CCDC88A: variants seen among roughly 807,000 people sequenced by gnomAD.
CCDC88A encodes the protein coiled-coil and HOOK domain protein 88A.
Under a neutral mutation model 234.3 loss-of-function variants are expected in CCDC88A, and 54 were observed. The observed-to-expected ratio is 0.23, with a 90% CI of 0.19 to 0.29. The LOEUF is 0.29. CCDC88A is among the 10% of genes least tolerant of loss of function. The probability of loss-of-function intolerance (pLI) is 1.00; values close to 1 mark genes in which losing one functional copy is unlikely to be tolerated. For synonymous variants in CCDC88A, 753 were observed against 737.8 expected (o/e 1.02, Z -0.33); for missense variants, 1,832 against 2,123.4 (o/e 0.86, Z 2.70).
At chr2:55,342,376 AATG>A (rs1668614660) in intron 12 of CCDC88A, among the ~76,000 whole-genome samples, 1 of 152,170 alleles carries the variant, frequency 6.6e-6, no homozygotes, top group African/African-American at 2.4e-5. Context: ...ACATAATAAT[AATG>A]ATATTTAATA....
At position 55,419,526 on chromosome 2, in the gene CCDC88A, A is replaced by AT; in HGVS notation, c.-448_-447insA. On this transcript the variant is annotated 5_prime_UTR_variant, in exon 1 of 33. In the 5' UTR this introduces an upstream ATG that the reference lacks. Transcript: ENST00000436346. ...ACGTTAAGGATACCGAGGCGCCACC[A>AT]GACTCGACCTCGGCGTTCCGACCTC... is the stretch of plus-strand genomic sequence containing the variant. 23 of 126,722 alleles carry AT rather than the reference A, an allele frequency of 1.8e-4. No individual in the cohort carries two copies. The highest frequency in any genetic ancestry group is 7.0e-4 in the South Asian group (3 of 4,272). The allele number at this position is 126,722 out of a possible 1,614,324, so 7.8% of individuals were successfully genotyped here.
chr2:55,388,715 T>C (rs572467778), intron 3 of CCDC88A, 63 bp downstream of exon 3: 7 of 682,956 alleles, frequency 1.0e-5, no homozygotes, highest in East Asian at 2.9e-5. Context: ...AGATGACTGA[T>C]ACTAAATAAT....
intron 3 of CCDC88A, among the ~76,000 whole-genome samples, chr2:55,382,857 T>C (rs7586529): frequency 0.56 from 84,387 of 151,960 alleles, 24,798 homozygotes; most frequent in Admixed American, 0.65. Context: ...TCTTATATTA[T>C]TAATCACAAC....
At chr2:55,367,921 T>C (rs77789116) in intron 5 of CCDC88A, among the ~76,000 whole-genome samples, 2,008 of 152,248 alleles carry the variant, frequency 0.013, 23 homozygotes, top group Non-Finnish European at 0.022. Flanking sequence ...TAAGTAATAT[T>C]TCTGGATACT....
chr2:55,382,926 C>G (rs1483266635), intron 3 of CCDC88A, among the ~76,000 whole-genome samples: 1 of 152,050 alleles, frequency 6.6e-6, no homozygotes, highest in African/African-American at 2.4e-5. Flanking sequence ...TACCATAGTT[C>G]CATGAAAATA....
intron 23 of CCDC88A, 43 bp downstream of exon 23, chr2:55,312,391 C>A: frequency 1.3e-6 from 2 of 1,568,290 alleles, no homozygotes; most frequent in Non-Finnish European, 1.7e-6. Context: ...ATGATAAAAT[C>A]ATGAGTAACA....
At chr2:55,398,548 G>A (rs1007799880) in intron 2 of CCDC88A, among the ~76,000 whole-genome samples, 2 of 152,108 alleles carry the variant, frequency 1.3e-5, no homozygotes, top group African/African-American at 2.4e-5. Flanking sequence ...CGGAAAACAG[G>A]CCTTTTCACC....
rs1374860742 is a variant in CCDC88A, at chr2:55,288,123, G to A, written c.*3077C>T. 1 of 152,510 alleles carries A rather than the reference G, an allele frequency of 6.6e-6. No individual in the cohort carries two copies. The highest frequency in any genetic ancestry group is 1.9e-4 in the East Asian group (1 of 5,196). The allele number at this position is 152,510 out of a possible 1,614,324, so 9.4% of individuals were successfully genotyped here. On this transcript the variant is annotated 3_prime_UTR_variant, in exon 33 of 33. Coordinates refer to ENST00000436346, the MANE Select transcript of CCDC88A (RefSeq NM_001365480.1). ...ATTTGGTATTTAATAACAGTTATAA[G>A]TACAATGGTAGACACTGAAAAAGAA...
At chr2:55,352,386 C>T (rs956696523) in intron 8 of CCDC88A, among the ~76,000 whole-genome samples, 7 of 150,898 alleles carry the variant, frequency 4.6e-5, no homozygotes, top group African/African-American at 1.7e-4. Flanking sequence ...GAGATCACGC[C>T]ATTGCACTCC....
At chr2:55,365,103 GT>G (rs900891468) in intron 5 of CCDC88A, among the ~76,000 whole-genome samples, 10 of 152,082 alleles carry the variant, frequency 6.6e-5, no homozygotes, top group African/African-American at 2.4e-4. Context: ...AATGCAGAAA[GT>G]TCTATATCTT....
chr2:55,339,558 G>T lies in CCDC88A; in HGVS notation c.1424C>A (p.Thr475Asn), dbSNP rs1392949881. The change falls in exon 13 of 33, where the codon ACC becomes AAC. Residue 475 changes from threonine to asparagine, a missense_variant. Around this residue, in one of 6 missense-constraint regions of CCDC88A, gnomAD observed 1,282 missense variants for 1,543.6 expected, o/e 0.83. Transcript: ENST00000436346. Reference sequence around the variant, plus strand: ...CACAGTAGTCCGAAGCTCTTCTACGGTTTTTGTCAAACTTTGATTTTCCAT... The same window carrying T: ...CACAGTAGTCCGAAGCTCTTCTACGTTTTTTGTCAAACTTTGATTTTCCAT... ...LEMENQSLTK[T>N]VEELRTTVDS... 2 of 1,613,704 alleles carry T rather than the reference G, an allele frequency of 1.2e-6. No homozygotes were observed.
At chr2:55,384,343 G>T (rs1334136499) in intron 3 of CCDC88A, among the ~76,000 whole-genome samples, 1 of 128,136 alleles carries the variant, frequency 7.8e-6, no homozygotes, top group Admixed American at 8.3e-5. Flanking sequence ...AAAAAATCCA[G>T]AAGTGTATAT....
At chr2:55,348,046 C>T (rs13410654) in intron 9 of CCDC88A, among the ~76,000 whole-genome samples, 3,309 of 152,134 alleles carry the variant, frequency 0.022, 136 homozygotes, top group African/African-American at 0.075. Context: ...ACTGCAGCCT[C>T]GACCTCCCAG....
intron 2 of CCDC88A, among the ~76,000 whole-genome samples, chr2:55,391,302 T>C (rs183335611): frequency 2.6e-4 from 40 of 152,248 alleles, no homozygotes; most frequent in African/African-American, 7.7e-4. Context: ...TGCAAGTAAC[T>C]TGACAACCTG....
chr2:55,323,986 A>G (rs1386521468), intron 17 of CCDC88A: 1 of 152,250 alleles, frequency 6.6e-6, no homozygotes, highest in Non-Finnish European at 1.5e-5. Context: ...TGCTGGGATT[A>G]CAGGCGTTGA....
chr2:55,371,279 G>T (rs557043781), intron 5 of CCDC88A, among the ~76,000 whole-genome samples: 1 of 152,228 alleles, frequency 6.6e-6, no homozygotes, highest in South Asian at 2.1e-4. Context: ...GTAAACACCT[G>T]TACATTACAC....
chr2:55,363,163 G>A, intron 6 of CCDC88A, among the ~76,000 whole-genome samples: 1 of 151,856 alleles, frequency 6.6e-6, no homozygotes, highest in East Asian at 1.9e-4. Context: ...ACTACATCTT[G>A]TAAAGTACTA....
intron 2 of CCDC88A, among the ~76,000 whole-genome samples, chr2:55,416,435 AATAAATAAATATAT>A (rs1292216335): frequency 4.8e-3 from 142 of 29,518 alleles, no homozygotes; most frequent in African/African-American, 0.015. Flanking sequence ...CAAATAAATA[AATAAATAAATATAT>A]ATATATATAT....
chr2:55,355,545 T>A (rs751246223), intron 8 of CCDC88A, 34 bp downstream of exon 8: 3 of 1,590,206 alleles, frequency 1.9e-6, no homozygotes, highest in Middle Eastern at 1.7e-4. Context: ...TGGGACCATA[T>A]AAATTCAATG....
Sources: allele counts gnomAD v4.1 joint callset (sites outside exome capture counted in the v4.1 genomes callset), GRCh38; gene constraint gnomAD v4.1.1; regional missense constraint gnomAD v4.1.1; transcripts MANE v1.5; gene names NCBI Gene and HGNC (gene_info 2026-07-23, HGNC 2026-07-21).